Variants in DES observed in about 807,000 individuals in gnomAD.
DES encodes cardiomyopathy, dilated 1F (autosomal dominant).
In DES, 34 loss-of-function variants were observed where a neutral mutation model predicts 55.1. The observed-to-expected ratio is 0.62, with a 90% CI of 0.47 to 0.82. The LOEUF (loss-of-function observed/expected upper bound fraction) is 0.82. Among genes scored for constraint, DES ranks in the 40% least tolerant of loss-of-function variants. The pLI is 0.00. For missense variants in DES, 596 were observed against 645.9 expected, an observed-to-expected ratio of 0.92 and a Z score of 0.84; for synonymous variants, 259 against 270.8, an observed-to-expected ratio of 0.96 and a Z score of 0.43.
chr2:219,418,553 A>T lies in DES; in HGVS notation c.91A>T (p.Ser31Cys), dbSNP rs1553603207. The T allele has an allele frequency of 6.2e-7, 1 of 1,603,298 alleles. No homozygotes were observed. Among genetic ancestry groups the T allele is most frequent in the African/African-American group, 1.3e-5 (1 of 74,332 alleles). Residue 31 changes from serine (S) to cysteine (C), a missense_variant, in exon 1 of 9, where the codon AGT becomes TGT. Ser to Cys is a moderately radical substitution (Grantham distance 112). Coordinates refer to ENST00000373960, the MANE Select transcript of DES (RefSeq NM_001927.4). ...APGFPLGSPLSSPVFPRAGFG... is the reference protein window; with the variant it reads ...APGFPLGSPLCSPVFPRAGFG... ...GGGCTTCCCACTCGGCTCCCCGCTG[A>T]GTTCGCCCGTGTTCCCGCGGGCGGG... is the stretch of plus-strand genomic sequence containing the variant.
intron 6 of DES, 109 bp downstream of exon 6, chr2:219,421,669 ATT>A (rs374091713): frequency 2.1e-3 from 1,738 of 814,022 alleles, no homozygotes; most frequent in Non-Finnish European, 2.3e-3. Flanking sequence ...CCTGGAAACA[ATT>A]TTTTTTTTTT....
Position 219,423,777 on chromosome 2 carries a change from G to A in DES, c.1245G>A (p.Arg415=), listed in dbSNP as rs762158541. 1.2e-6 allele frequency: 2 copies of A among 1,613,716 alleles called. No homozygotes were observed. Among genetic ancestry groups the A allele is most frequent in the African/African-American group, 1.3e-5 (1 of 74,894 alleles). The change falls in exon 7 of 9, where the codon CGG becomes CGA. Residue 415 remains arginine (R), a splice_region_variant and synonymous_variant. Transcript: ENST00000373960. The part of the protein sequence containing the change: ...YRKLLEGEES[R]INLPIQTYSA... Reference sequence around the variant, plus strand: ...GGAGGTTTTGTCTCTTCCCTTTTAGGATCAATCTCCCCATCCAGACCTACT... The same window carrying A: ...GGAGGTTTTGTCTCTTCCCTTTTAGAATCAATCTCCCCATCCAGACCTACT...
At chr2:219,424,695 TTC>T (rs1394746684) in intron 7 of DES, among the ~76,000 whole-genome samples, 1 of 152,178 alleles carries the variant, frequency 6.6e-6, no homozygotes, top group East Asian at 1.9e-4. Context: ...CATTTAAAAC[TTC>T]ATAGTACAAA....
rs759320891 is a variant in DES at position 219,420,915 on chromosome 2, C to T, written c.985C>T (p.Gln329Ter). ...QEMMEYRHQI[Q>*]SYTCEIDALK... ...GATGATGGAATACCGACACCAGATC[C>T]AGTCCTACACCTGCGAGATTGACGC... Residue 329 changes from glutamine to a stop codon, truncating the protein, a stop_gained, in exon 5 of 9, where the codon CAG becomes TAG. Transcript: ENST00000373960. LOFTEE classifies it high-confidence loss of function. The surrounding 1 kb of genome is among the most constrained non-coding windows in gnomAD (Gnocchi z 6.0). 3 of 1,613,644 alleles carry T rather than the reference C, an allele frequency of 1.9e-6. No individual in the cohort carries two copies. The highest frequency in any genetic ancestry group is 2.5e-6 in the Non-Finnish European group (3 of 1,179,698).
chr2:219,426,134 C>A lies in DES; in HGVS notation c.*144C>A. The A allele has an allele frequency of 1.0e-6, 1 of 966,350 alleles. No homozygotes were observed. The allele number at this position is 966,350 out of a possible 1,614,324, so 59.9% of individuals were successfully genotyped here. On this transcript the variant is annotated 3_prime_UTR_variant, in exon 9 of 9. Coordinates refer to ENST00000373960, the MANE Select transcript of DES (RefSeq NM_001927.4). This position sits in a 1 kb window ranked among gnomAD's most constrained non-coding sequence, Gnocchi z 4.5. ...TGACCCCTCCTCACTGGCCATCCCT[C>A]GTGGTCCCCAACAGCGACATAGCCC...
At position 219,421,519 on chromosome 2, in the gene DES, G is replaced by A; in HGVS notation, c.1203G>A (p.Glu401=). The A allele has an allele frequency of 6.2e-7, 1 of 1,614,110 alleles. No individual in the cohort carries two copies. The highest frequency in any genetic ancestry group is 8.5e-7 in the Non-Finnish European group (1 of 1,180,016). The change falls in exon 6 of 9, where the codon GAG becomes GAA. Residue 401 remains glutamate, a synonymous_variant. Coordinates refer to ENST00000373960, the MANE Select transcript of DES (RefSeq NM_001927.4). ...LLNVKMALDV[E]IATYRKLLEG... The stretch of plus-strand genomic sequence containing the variant: ...ACGTGAAGATGGCCCTGGATGTGGA[G>A]ATTGCCACCTACCGGAAGCTGCTGG...
At chr2:219,421,668 A>ATT in intron 6 of DES, 108 bp downstream of exon 6, 1 of 1,088,608 alleles carries the variant, frequency 9.2e-7, no homozygotes, top group Non-Finnish European at 1.3e-6. Context: ...ACCTGGAAAC[A>ATT]ATTTTTTTTT....
intron 7 of DES, chr2:219,425,304 T>C (rs1954515736): frequency 3.1e-6 from 1 of 326,898 alleles, no homozygotes; most frequent in Non-Finnish European, 5.9e-6. Flanking sequence ...GACAAATGTG[T>C]GCAGGGCTCT....
Position 219,421,523 on chromosome 2 carries a change from G to C in DES, c.1207G>C (p.Ala403Pro). The C allele has an allele frequency of 6.2e-7, 1 of 1,614,094 alleles. No homozygotes were observed. Among genetic ancestry groups the C allele is most frequent in the Non-Finnish European group, 8.5e-7 (1 of 1,180,018 alleles). The change falls in exon 6 of 9, where the codon GCC becomes CCC. Residue 403 changes from alanine to proline, a missense_variant. Transcript: ENST00000373960. ...GAAGATGGCCCTGGATGTGGAGATTGCCACCTACCGGAAGCTGCTGGAGGG... is the reference window on the plus strand; with the variant it reads ...GAAGATGGCCCTGGATGTGGAGATTCCCACCTACCGGAAGCTGCTGGAGGG... ...NVKMALDVEI[A>P]TYRKLLEGEE...
At chr2:219,422,168 G>A (rs1261067301) in intron 6 of DES, among the ~76,000 whole-genome samples, 3 of 152,136 alleles carry the variant, frequency 2.0e-5, no homozygotes. Context: ...CCAGTCAAGG[G>A]AGAGATGAAA....
chr2:219,422,076 A>C (rs114563435), intron 6 of DES, among the ~76,000 whole-genome samples: 4,011 of 152,330 alleles, frequency 0.026, 124 homozygotes, highest in African/African-American at 0.07. Context: ...AGAGAAATAT[A>C]AGTATTCCCT....
chr2:219,423,821 G>A lies in DES; in HGVS notation c.1288+1G>A, dbSNP rs112224037. Reference sequence around the variant, plus strand: ...ACCTACTCTGCCCTCAACTTCCGAGGTGAGTGTCTGCTGGCAGGCGGAGGC... The same window carrying A: ...ACCTACTCTGCCCTCAACTTCCGAGATGAGTGTCTGCTGGCAGGCGGAGGC... On this transcript the variant is annotated splice_donor_variant, in intron 7 of 8. Coordinates refer to ENST00000373960, the MANE Select transcript of DES (RefSeq NM_001927.4). LOFTEE classifies it high-confidence loss of function. 14 of 1,613,800 alleles carry A rather than the reference G, an allele frequency of 8.7e-6. No individual in the cohort carries two copies. The highest frequency in any genetic ancestry group is 1.3e-5 in the African/African-American group (1 of 74,918).
rs1378987625 is a variant in DES at position 219,418,548 on chromosome 2, C to T, written c.86C>T (p.Pro29Leu). 2.5e-5 allele frequency: 40 copies of T among 1,603,960 alleles called. No individual in the cohort carries two copies. The highest frequency in any genetic ancestry group is 3.3e-5 in the Non-Finnish European group (39 of 1,176,240). ...GCCCCGGGCTTCCCACTCGGCTCCC[C>T]GCTGAGTTCGCCCGTGTTCCCGCGG... Reference protein sequence around the residue: ...GGAPGFPLGSPLSSPVFPRAG... With the variant: ...GGAPGFPLGSLLSSPVFPRAG... The change falls in exon 1 of 9, where the codon CCG becomes CTG. Residue 29 changes from proline (P) to leucine (L), a missense_variant. Transcript: ENST00000373960.
At position 219,418,675 on chromosome 2, in the gene DES, C is replaced by T; in HGVS notation, c.213C>T (p.Ala71=). The change falls in exon 1 of 9, where the codon GCC becomes GCT. Residue 71 remains alanine, a synonymous_variant. Transcript: ENST00000373960. ...GGAGGLGSLR[A]SRLGTTRTPS... ...CCGGGGGCCTGGGGTCGCTGCGGGC[C>T]AGCCGGCTGGGGACCACCCGCACGC... 2 of 1,579,330 alleles carry T rather than the reference C, an allele frequency of 1.3e-6. No individual in the cohort carries two copies. The highest frequency in any genetic ancestry group is 1.7e-6 in the Non-Finnish European group (2 of 1,163,012).
At position 219,420,220 on chromosome 2, in the gene DES, G is replaced by C. The variant is rs1218374036; in HGVS notation, c.640-31G>C. On this transcript the variant is annotated intron_variant, in intron 2 of 8. Coordinates refer to ENST00000373960, the MANE Select transcript of DES (RefSeq NM_001927.4). This position sits in a 1 kb window ranked among gnomAD's most constrained non-coding sequence, Gnocchi z 6.0. ...TGCTCTGCCCCACCTGGGTGGCGGTGACCATGTCCTTCTCGCTTGGCCTCT... is the reference window on the plus strand; with the variant it reads ...TGCTCTGCCCCACCTGGGTGGCGGTCACCATGTCCTTCTCGCTTGGCCTCT... The C allele has an allele frequency of 6.2e-7, 1 of 1,614,102 alleles. No homozygotes were observed. Among genetic ancestry groups the C allele is most frequent in the Non-Finnish European group, 8.5e-7 (1 of 1,179,942 alleles).
chr2:219,420,213 T>A lies in DES; in HGVS notation c.640-38T>A. On this transcript the variant is annotated intron_variant, in intron 2 of 8. Coordinates refer to ENST00000373960, the MANE Select transcript of DES (RefSeq NM_001927.4). This position sits in a 1 kb window ranked among gnomAD's most constrained non-coding sequence, Gnocchi z 6.0. ...CTGGCCTTGCTCTGCCCCACCTGGGTGGCGGTGACCATGTCCTTCTCGCTT... is the reference window on the plus strand; with the variant it reads ...CTGGCCTTGCTCTGCCCCACCTGGGAGGCGGTGACCATGTCCTTCTCGCTT... The A allele has an allele frequency of 6.2e-7, 1 of 1,613,934 alleles. No homozygotes were observed. Among genetic ancestry groups the A allele is most frequent in the Non-Finnish European group, 8.5e-7 (1 of 1,179,818 alleles).
chr2:219,419,643 C>A lies in DES; in HGVS notation c.579-452C>A, dbSNP rs139499966. On this transcript the variant is annotated intron_variant, in intron 1 of 8. Coordinates refer to ENST00000373960, the MANE Select transcript of DES (RefSeq NM_001927.4). The surrounding 1 kb of genome is among the most constrained non-coding windows in gnomAD (Gnocchi z 4.3). ...CAGCTCTCAGAGAGCTTGGGAGGAC[C>A]TGACTGTAGACTTCACCAGGCTCCA... Among the ~76,000 whole-genome samples, 33 of 152,282 alleles carry A rather than the reference C, an allele frequency of 2.2e-4. No individual in the cohort carries two copies. In the South Asian group the frequency reaches 6.4e-3, roughly 30 times the overall value.
rs1954538781 is a variant in DES at position 219,426,387 on chromosome 2, C to T, written c.*397C>T. The T allele has an allele frequency of 8.3e-6, 3 of 359,920 alleles. No individual in the cohort carries two copies. The highest frequency in any genetic ancestry group is 1.6e-5 in the Non-Finnish European group (3 of 186,852). 22.3% of individuals were successfully genotyped at this position (359,920 alleles called of 1,614,324 possible). On this transcript the variant is annotated 3_prime_UTR_variant, in exon 9 of 9. Coordinates refer to ENST00000373960, the MANE Select transcript of DES (RefSeq NM_001927.4). This position sits in a 1 kb window ranked among gnomAD's most constrained non-coding sequence, Gnocchi z 4.5. ...CAGGGCCAGGACTGAGCCCCGCAGA[C>T]CTCCCCAGCCCCTAGCCCAGGAGAG...
chr2:219,418,468 C>A lies in DES; in HGVS notation c.6C>A (p.Ser2Arg). 6.3e-7 allele frequency: 1 copy of A among 1,594,910 alleles called. No individual in the cohort carries two copies. Among genetic ancestry groups the A allele is most frequent in the Non-Finnish European group, 8.5e-7 (1 of 1,176,460 alleles). ...GCCTCGCCCGCGCCGTCACCATGAG[C>A]CAGGCCTACTCGTCCAGCCAGCGCG... The part of the protein sequence containing the change: M[S>R]QAYSSSQRVS... Residue 2 changes from serine (S) to arginine (R), a missense_variant, in exon 1 of 9, where the codon AGC becomes AGA. Ser to Arg is a moderately radical substitution (Grantham distance 110, BLOSUM62 -1). Coordinates refer to ENST00000373960, the MANE Select transcript of DES (RefSeq NM_001927.4).
Sources: allele counts gnomAD v4.1 joint callset (sites outside exome capture counted in the v4.1 genomes callset), GRCh38; gene constraint gnomAD v4.1.1; non-coding constraint Gnocchi (gnomAD v3.1); transcripts MANE v1.5; gene names NCBI Gene and HGNC (gene_info 2026-07-23, HGNC 2026-07-21).